The following RIT2 variants were observed in gnomAD, a reference collection of about 807,000 sequenced individuals.
RIT2 encodes the protein Ras like without CAAX 2.
A neutral mutation model predicts 23.7 loss-of-function variants in RIT2; 24 were observed. That is an observed-to-expected ratio of 1.01 (90% CI 0.73 to 1.43). RIT2 has a LOEUF of 1.43. Ranked by LOEUF, RIT2 falls within the 40% of genes most tolerant of loss-of-function variation. The pLI is 0.00. For missense variants in RIT2, 236 were observed against 266.9 expected (o/e 0.88, Z 0.81); for synonymous variants, 107 against 91.1 (o/e 1.17, Z -0.99).
At chr18:42,984,549 T>A (rs566944075) in intron 2 of RIT2, among the ~76,000 whole-genome samples, 47 of 152,200 alleles carry the variant, frequency 3.1e-4, no homozygotes, top group South Asian at 2.9e-3. Context: ...GAAAACTGCA[T>A]AAAGGGATAT....
At chr18:42,988,846 C>G (rs999140066) in intron 2 of RIT2, among the ~76,000 whole-genome samples, 2 of 152,164 alleles carry the variant, frequency 1.3e-5, no homozygotes, top group African/African-American at 4.8e-5. Flanking sequence ...GGGTGAACAG[C>G]AGAGCTGCAA....
At chr18:42,927,530 C>T (rs1909213854) in intron 3 of RIT2, among the ~76,000 whole-genome samples, 1 of 151,812 alleles carries the variant, frequency 6.6e-6, no homozygotes, top group South Asian at 2.1e-4. Flanking sequence ...ATGCTGTGTT[C>T]AACATGTTGC....
intron 2 of RIT2, among the ~76,000 whole-genome samples, chr18:42,995,520 G>C (rs142708065): frequency 6.6e-6 from 1 of 152,050 alleles, no homozygotes; most frequent in South Asian, 2.1e-4. Context: ...ATAGCAGACC[G>C]GCCTTTATTA....
intron 2 of RIT2, among the ~76,000 whole-genome samples, chr18:43,003,894 A>C (rs1911166852): frequency 1.3e-5 from 2 of 151,630 alleles, no homozygotes; most frequent in Admixed American, 1.3e-4. Context: ...CTTATTTTGA[A>C]AGTAGAAAAA....
chr18:42,922,039 G>A (rs1272610926), intron 4 of RIT2, among the ~76,000 whole-genome samples: 1 of 152,114 alleles, frequency 6.6e-6, no homozygotes, highest in Non-Finnish European at 1.5e-5. Flanking sequence ...AGCAAAGTAA[G>A]ACAGCAGAAC....
intron 4 of RIT2, among the ~76,000 whole-genome samples, chr18:42,745,284 G>GA (rs751425241): frequency 8.0e-4 from 122 of 151,760 alleles, no homozygotes; most frequent in Admixed American, 1.1e-3. Flanking sequence ...GCATAACTAA[G>GA]AAAAAAAACC....
chr18:42,866,097 C>T (rs1279635277), intron 4 of RIT2, among the ~76,000 whole-genome samples: 3 of 152,138 alleles, frequency 2.0e-5, no homozygotes, highest in Admixed American at 6.5e-5. Context: ...ATAGATAAAG[C>T]AATTGACAAA....
chr18:42,957,589 GC>G (rs1483509069), intron 3 of RIT2, among the ~76,000 whole-genome samples: 4 of 152,094 alleles, frequency 2.6e-5, no homozygotes, highest in Non-Finnish European at 5.9e-5. Context: ...TTCAAGACCA[GC>G]CTGGTCAACT....
chr18:43,092,817 C>CT (rs1254920495), intron 1 of RIT2, among the ~76,000 whole-genome samples: 3 of 152,014 alleles, frequency 2.0e-5, no homozygotes, highest in Non-Finnish European at 2.9e-5. Flanking sequence ...GAAATCATGG[C>CT]TGAAACGTAG....
chr18:42,939,965 T>C (rs955408212), intron 3 of RIT2, among the ~76,000 whole-genome samples: 1 of 151,950 alleles, frequency 6.6e-6, no homozygotes, highest in Non-Finnish European at 1.5e-5. Flanking sequence ...CCATTTCCTA[T>C]TGCTTGTCCA....
intron 1 of RIT2, among the ~76,000 whole-genome samples, chr18:43,088,300 C>A (rs1451714816): frequency 3.9e-5 from 6 of 152,092 alleles, no homozygotes; most frequent in African/African-American, 1.4e-4. Context: ...ATGTAAGAAA[C>A]AATGAAGCCA....
At chr18:42,943,000 T>C (rs140513943) in intron 3 of RIT2, among the ~76,000 whole-genome samples, 43 of 152,146 alleles carry the variant, frequency 2.8e-4, no homozygotes, top group African/African-American at 9.4e-4. Context: ...CAGACCTTCA[T>C]GGTGAGTGTT....
intron 2 of RIT2, among the ~76,000 whole-genome samples, chr18:43,026,846 A>G (rs1459493930): frequency 1.3e-5 from 2 of 152,090 alleles, no homozygotes; most frequent in African/African-American, 4.8e-5. Flanking sequence ...TGTAACATAT[A>G]CATGATACAC....
At chr18:42,852,808 C>T (rs1490586319) in intron 4 of RIT2, among the ~76,000 whole-genome samples, 3 of 132,794 alleles carry the variant, frequency 2.3e-5, no homozygotes, top group African/African-American at 8.6e-5. Flanking sequence ...TTCCTCCCTC[C>T]CTCCCTTCCT....
At chr18:42,872,199 A>G (rs960801638) in intron 4 of RIT2, among the ~76,000 whole-genome samples, 1 of 152,220 alleles carries the variant, frequency 6.6e-6, no homozygotes, top group Admixed American at 6.5e-5. Flanking sequence ...AAACCCTCTC[A>G]AACTGGCTAG....
intron 1 of RIT2, among the ~76,000 whole-genome samples, chr18:43,058,127 G>C (rs1252101504): frequency 6.6e-6 from 1 of 152,120 alleles, no homozygotes; most frequent in Non-Finnish European, 1.5e-5. Flanking sequence ...TTGCTGCCAT[G>C]GTACATGGCT....
intron 2 of RIT2, among the ~76,000 whole-genome samples, chr18:43,014,678 C>T (rs987627594): frequency 1.3e-5 from 2 of 150,574 alleles, no homozygotes; most frequent in Admixed American, 6.6e-5. Flanking sequence ...AGGAAGAAAA[C>T]GTGGGAATAA....
At chr18:43,031,573 G>C (rs1911855461) in intron 2 of RIT2, among the ~76,000 whole-genome samples, 1 of 151,834 alleles carries the variant, frequency 6.6e-6, no homozygotes, top group Non-Finnish European at 1.5e-5. Flanking sequence ...ATAAATAAGG[G>C]GAACAATTAC....
chr18:42,873,897 C>A (rs974765725), intron 4 of RIT2, among the ~76,000 whole-genome samples: 3 of 152,060 alleles, frequency 2.0e-5, no homozygotes, highest in African/African-American at 7.2e-5. Flanking sequence ...CAGTACTGAA[C>A]TGGGAATCAG....
Sources: gnomAD v4.1 joint callset for allele counts (sites outside exome capture counted in the v4.1 genomes callset) on GRCh38, gnomAD v4.1.1 for gene constraint, MANE v1.5 for transcripts, NCBI Gene and HGNC (gene_info 2026-07-23, HGNC 2026-07-21) for gene names.